Variants in CEP85L observed in about 807,000 individuals in gnomAD.
The protein encoded by CEP85L is centrosomal protein 85L.
A neutral mutation model predicts 100.3 loss-of-function variants in CEP85L; 60 were observed. The observed-to-expected ratio is 0.60, with a 90% confidence interval of 0.49 to 0.74. CEP85L has a LOEUF of 0.74. CEP85L is among the 30% of genes least tolerant of loss of function. CEP85L has a pLI of 0.00. For missense variants in CEP85L, 973 were observed against 936.2 expected, an observed-to-expected ratio of 1.04 and a Z score of -0.51; for synonymous variants, 319 against 322.7, an observed-to-expected ratio of 0.99 and a Z score of 0.12.
chr6:118,574,709 T>C (rs950339098), intron 2 of CEP85L, among the ~76,000 whole-genome samples: 1 of 152,158 alleles, frequency 6.6e-6, no homozygotes, highest in Non-Finnish European at 1.5e-5. Flanking sequence ...GGTAACTCTG[T>C]GCACAGACCA....
chr6:118,479,179 A>G (rs1055608373), intron 10 of CEP85L, among the ~76,000 whole-genome samples: 6 of 152,198 alleles, frequency 3.9e-5, no homozygotes, highest in African/African-American at 1.4e-4. Flanking sequence ...CATCAGGCTC[A>G]TACATTTATT....
At chr6:118,694,883 G>A (rs756381856) in intron 1 of CEP85L, among the ~76,000 whole-genome samples, 4 of 152,166 alleles carry the variant, frequency 2.6e-5, no homozygotes, top group South Asian at 2.1e-4. Context: ...TCCACATCTC[G>A]GATTGTCAGT....
intron 2 of CEP85L, among the ~76,000 whole-genome samples, chr6:118,577,754 T>C (rs889542352): frequency 2.0e-5 from 3 of 152,154 alleles, no homozygotes; most frequent in Admixed American, 6.5e-5. Context: ...CCCTAGCAAA[T>C]GAATTAGCCA....
intron 1 of CEP85L, among the ~76,000 whole-genome samples, chr6:118,640,678 CCAT>C (rs1774803836): frequency 3.3e-5 from 5 of 152,216 alleles, no homozygotes; most frequent in East Asian, 3.9e-4. Context: ...GCACACACCA[CCAT>C]GTCTGGCTAA....
intron 10 of CEP85L, among the ~76,000 whole-genome samples, chr6:118,473,936 T>TAA (rs5879462): frequency 4.6e-5 from 7 of 151,596 alleles, no homozygotes; most frequent in Middle Eastern, 3.2e-3. Context: ...AGATAAGAAA[T>TAA]AAAAAAAAGA....
intron 1 of CEP85L, among the ~76,000 whole-genome samples, chr6:118,647,868 C>T (rs954983322): frequency 6.6e-6 from 1 of 152,092 alleles, no homozygotes; most frequent in African/African-American, 2.4e-5. Context: ...TAAAAAGATA[C>T]CAATTGTTCT....
chr6:118,534,166 C>A (rs1197217766), intron 3 of CEP85L, among the ~76,000 whole-genome samples: 2 of 152,028 alleles, frequency 1.3e-5, no homozygotes, highest in Non-Finnish European at 2.9e-5. Flanking sequence ...CCTACTAGAA[C>A]CAATAAGTGA....
intron 3 of CEP85L, among the ~76,000 whole-genome samples, chr6:118,527,016 T>TC (rs1477851539): frequency 6.8e-6 from 1 of 146,186 alleles, no homozygotes. Context: ...TTTTTTTTTT[T>TC]TTTTTTTTTT....
intron 2 of CEP85L, among the ~76,000 whole-genome samples, chr6:118,573,307 C>T (rs1780020497): frequency 6.6e-6 from 1 of 152,170 alleles, no homozygotes; most frequent in East Asian, 1.9e-4. Flanking sequence ...AAATAACTGA[C>T]ATCCAAAAAT....
intron 3 of CEP85L, among the ~76,000 whole-genome samples, chr6:118,555,383 G>GT (rs1279587265): frequency 2.0e-5 from 3 of 146,676 alleles, no homozygotes; most frequent in Non-Finnish European, 4.5e-5. Flanking sequence ...AGCCGAGATC[G>GT]TGCCACTGCA....
chr6:118,508,280 A>C (rs1425741572), intron 5 of CEP85L, among the ~76,000 whole-genome samples: 1 of 152,166 alleles, frequency 6.6e-6, no homozygotes, highest in Non-Finnish European at 1.5e-5. Context: ...AAAAGAATAA[A>C]ATGGAAAGAA....
At chr6:118,689,839 T>C (rs1389295475) in intron 1 of CEP85L, among the ~76,000 whole-genome samples, 1 of 152,148 alleles carries the variant, frequency 6.6e-6, no homozygotes, top group African/African-American at 2.4e-5. Flanking sequence ...AAGAGGACAT[T>C]ATCTTCCCCC....
rs1179170993 is a variant in CEP85L at position 118,490,378 on chromosome 6, T to A, written c.1437+1308A>T. On this transcript the variant is annotated intron_variant, in intron 6 of 12. Transcript: ENST00000368491. Reference sequence around the variant, plus strand: ...AAAGAGAAAATATAATGGGATGGCATAAATTAGTTTTAACCAAAGAAGTAA... The same window carrying A: ...AAAGAGAAAATATAATGGGATGGCAAAAATTAGTTTTAACCAAAGAAGTAA... Among the ~76,000 whole-genome samples, 4 of 152,206 alleles carry A rather than the reference T, an allele frequency of 2.6e-5. No homozygotes were observed. The East Asian group carries it at 7.7e-4, about 29-fold the overall frequency.
intron 3 of CEP85L, among the ~76,000 whole-genome samples, chr6:118,535,621 C>T (rs1777545502): frequency 6.6e-6 from 1 of 152,148 alleles, no homozygotes; most frequent in African/African-American, 2.4e-5. Context: ...TTTCCTCTCA[C>T]CCAGGAGGTG....
intron 6 of CEP85L, among the ~76,000 whole-genome samples, chr6:118,489,859 A>G (rs1277222344): frequency 6.6e-6 from 1 of 152,174 alleles, no homozygotes; most frequent in African/African-American, 2.4e-5. Context: ...CAGTATTCAC[A>G]ATAACCCAAG....
intron 5 of CEP85L, chr6:118,502,425 T>C: frequency 3.8e-6 from 2 of 528,958 alleles, no homozygotes; most frequent in Non-Finnish European, 7.3e-6. Context: ...CAGGGCCCTA[T>C]AAGAGTTGGA....
intron 1 of CEP85L, among the ~76,000 whole-genome samples, chr6:118,648,051 C>T (rs182037168): frequency 2.6e-4 from 39 of 151,656 alleles, no homozygotes; most frequent in Admixed American, 4.6e-4. Context: ...GCCAGGAGTT[C>T]GCGACCAGCA....
At chr6:118,538,650 A>G (rs895661969) in intron 3 of CEP85L, among the ~76,000 whole-genome samples, 2 of 151,624 alleles carry the variant, frequency 1.3e-5, no homozygotes, top group South Asian at 2.1e-4. Context: ...ATCATAGTAC[A>G]AAAGTGAAGA....
chr6:118,597,937 A>G (rs1742615303), intron 2 of CEP85L, among the ~76,000 whole-genome samples: 2 of 152,184 alleles, frequency 1.3e-5, no homozygotes, highest in African/African-American at 4.8e-5. Context: ...GTAATACTCT[A>G]TTGAGGTTGA....
Sources: gnomAD v4.1 joint callset for allele counts (sites outside exome capture counted in the v4.1 genomes callset) on GRCh38, gnomAD v4.1.1 for gene constraint, MANE v1.5 for transcripts, NCBI Gene and HGNC (gene_info 2026-07-23, HGNC 2026-07-21) for gene names.